ELMO1: variants seen among roughly 807,000 people sequenced by gnomAD.
ELMO1 encodes the protein engulfment and cell motility 1.
Under a neutral mutation model 98.9 loss-of-function variants are expected in ELMO1, and 26 were observed. The ratio of observed to expected loss-of-function variants is 0.26; its 90% CI spans 0.19 to 0.36. The LOEUF (loss-of-function observed/expected upper bound fraction) is 0.36, where lower values mean the gene tolerates loss of function less well. Among genes scored for constraint, ELMO1 ranks in the 10% least tolerant of loss-of-function variants. The pLI, the probability that ELMO1 is intolerant of heterozygous loss-of-function variation, is 1.00. For synonymous variants in ELMO1, 346 were observed against 346.0 expected (o/e 1.00, Z 0.00); for missense variants, 627 against 935.2 (o/e 0.67, Z 4.30).
chr7:36,995,252 G>A (rs1416913191), intron 16 of ELMO1, among the ~76,000 whole-genome samples: 7 of 152,196 alleles, frequency 4.6e-5, no homozygotes, highest in African/African-American at 1.7e-4. Context: ...GCTCACGCTT[G>A]CAATCCCAGC....
intron 5 of ELMO1, among the ~76,000 whole-genome samples, chr7:37,265,663 A>G (rs1796202700): frequency 6.6e-6 from 1 of 152,138 alleles, no homozygotes; most frequent in African/African-American, 2.4e-5. Flanking sequence ...GACAGCCTCC[A>G]ACACACCTAA....
chr7:36,916,583 T>C (rs1784708615), intron 16 of ELMO1, among the ~76,000 whole-genome samples: 1 of 152,258 alleles, frequency 6.6e-6, no homozygotes, highest in South Asian at 2.1e-4. Context: ...CCATTCCTTT[T>C]AGCAGTAGAA....
intron 5 of ELMO1, among the ~76,000 whole-genome samples, chr7:37,263,861 G>A (rs1346755349): frequency 1.3e-5 from 2 of 152,208 alleles, no homozygotes; most frequent in African/African-American, 4.8e-5. Context: ...ATGCAGAGCT[G>A]AAGGAGTCCC....
chr7:37,217,619 T>A (rs1450642630), intron 10 of ELMO1: 3 of 439,670 alleles, frequency 6.8e-6, no homozygotes, highest in Non-Finnish European at 1.4e-5. Context: ...GTGGGGGAGA[T>A]TTCTGAGGAG....
chr7:37,215,992 C>CT (rs56397617), intron 11 of ELMO1, among the ~76,000 whole-genome samples: 156 of 145,170 alleles, frequency 1.1e-3, no homozygotes, highest in Middle Eastern at 3.6e-3. Context: ...TCCTCTTTTC[C>CT]TTTTTTTTTT....
chr7:37,339,868 ATG>A (rs1800624430), intron 2 of ELMO1, among the ~76,000 whole-genome samples: 2 of 99,282 alleles, frequency 2.0e-5, no homozygotes, highest in Admixed American at 1.9e-4. Context: ...TCTTGATATG[ATG>A]AGCCAAAAAG....
rs1019970181 is a variant in ELMO1, at chr7:37,269,491, G to C, written c.243+2341C>G. 7.4e-5 allele frequency: 11 copies of C among 149,072 alleles called. No homozygotes were observed. In the Admixed American group the frequency reaches 7.4e-4, roughly 10 times the overall value. 9.2% of individuals were successfully genotyped at this position (149,072 alleles called of 1,614,324 possible). On this transcript the variant is annotated intron_variant, in intron 5 of 21. Transcript: ENST00000310758. Reference sequence around the variant, plus strand: ...TAGTCTCACTCTGTTGCCCAGGCTGGAGTGCAGTGGCGTCATCTCTGCTCA... The same window carrying C: ...TAGTCTCACTCTGTTGCCCAGGCTGCAGTGCAGTGGCGTCATCTCTGCTCA...
At chr7:36,922,676 C>T (rs75511644) in intron 16 of ELMO1, among the ~76,000 whole-genome samples, 7,371 of 152,184 alleles carry the variant, frequency 0.048, 280 homozygotes, top group South Asian at 0.14. Flanking sequence ...TTGCTGCTGC[C>T]GGGAGGGCAT....
chr7:37,114,280 T>C (rs1188235824), intron 14 of ELMO1, among the ~76,000 whole-genome samples: 2 of 152,198 alleles, frequency 1.3e-5, no homozygotes, highest in Non-Finnish European at 2.9e-5. Flanking sequence ...TGTTACACTA[T>C]TACAGGAGAT....
At chr7:37,340,492 C>A (rs1800655667) in intron 2 of ELMO1, among the ~76,000 whole-genome samples, 1 of 152,174 alleles carries the variant, frequency 6.6e-6, no homozygotes, top group Non-Finnish European at 1.5e-5. Context: ...GGAAACGTGA[C>A]AATTCGTATC....
At chr7:36,977,430 A>T (rs1790652369) in intron 16 of ELMO1, among the ~76,000 whole-genome samples, 1 of 152,228 alleles carries the variant, frequency 6.6e-6, no homozygotes, top group African/African-American at 2.4e-5. Context: ...CACACAGTGG[A>T]TAGGATTATT....
At chr7:37,091,482 G>C (rs948205482) in intron 15 of ELMO1, among the ~76,000 whole-genome samples, 1 of 152,068 alleles carries the variant, frequency 6.6e-6, no homozygotes, top group Non-Finnish European at 1.5e-5. Flanking sequence ...TTTTTCCCCA[G>C]CTAGGAGCTG....
chr7:37,033,545 C>A (rs2129187636), intron 15 of ELMO1: 2 of 375,548 alleles, frequency 5.3e-6, no homozygotes, highest in Non-Finnish European at 1.1e-5. Context: ...TTCCAGCAAG[C>A]CAGCATTCCA....
chr7:36,901,764 G>T (rs1806524393), intron 16 of ELMO1, among the ~76,000 whole-genome samples: 2 of 151,962 alleles, frequency 1.3e-5, no homozygotes, highest in Non-Finnish European at 2.9e-5. Context: ...ATGTTATAAG[G>T]TTCCCTCTGA....
chr7:37,236,837 T>C (rs1474140134), intron 7 of ELMO1, among the ~76,000 whole-genome samples: 1 of 152,180 alleles, frequency 6.6e-6, no homozygotes, highest in Admixed American at 6.5e-5. Flanking sequence ...CATAGGTGTT[T>C]ATTTCCACTC....
intron 15 of ELMO1, among the ~76,000 whole-genome samples, chr7:37,094,762 C>G (rs868304916): frequency 7.2e-5 from 11 of 152,176 alleles, no homozygotes; most frequent in Admixed American, 1.3e-4. Context: ...CTCAAATCAC[C>G]ACCCAAAATA....
chr7:37,092,979 G>A (rs1275784871), intron 15 of ELMO1, among the ~76,000 whole-genome samples: 1 of 151,248 alleles, frequency 6.6e-6, no homozygotes, highest in Non-Finnish European at 1.5e-5. Flanking sequence ...TACGCAGTAG[G>A]TGCAAGTAAG....
At chr7:37,111,164 A>C (rs1785230206) in intron 14 of ELMO1, among the ~76,000 whole-genome samples, 1 of 152,164 alleles carries the variant, frequency 6.6e-6, no homozygotes, top group Admixed American at 6.5e-5. Flanking sequence ...CGTTCTCTGC[A>C]GGCTCCTGCC....
intron 1 of ELMO1, among the ~76,000 whole-genome samples, chr7:37,434,734 C>T (rs958993621): frequency 1.3e-5 from 2 of 152,220 alleles, no homozygotes; most frequent in African/African-American, 4.8e-5. Flanking sequence ...GCCTCAGGCA[C>T]TCTGCTCCCC....
Sources: allele counts gnomAD v4.1 joint callset (sites outside exome capture counted in the v4.1 genomes callset), GRCh38; gene constraint gnomAD v4.1.1; transcripts MANE v1.5; gene names NCBI Gene and HGNC (gene_info 2026-07-23, HGNC 2026-07-21).